Variants in SEC61A1 observed in about 807,000 individuals in gnomAD.
The protein encoded by SEC61A1 is protein transport protein Sec61 subunit alpha isoform 1.
A neutral mutation model predicts 55.2 loss-of-function variants in SEC61A1; 15 were observed. That is an observed-to-expected ratio of 0.27 (90% CI 0.18 to 0.42). SEC61A1 has a LOEUF of 0.42. SEC61A1 is among the 10% of genes least tolerant of loss of function. SEC61A1 has a pLI of 1.00. For synonymous variants in SEC61A1, 247 were observed against 234.0 expected, an observed-to-expected ratio of 1.06 and a Z score of -0.51; for missense variants, 284 against 602.6, an observed-to-expected ratio of 0.47 and a Z score of 5.53.
intron 7 of SEC61A1, among the ~76,000 whole-genome samples, chr3:128,061,640 A>G (rs948104804): frequency 2.0e-5 from 3 of 152,244 alleles, no homozygotes; most frequent in Non-Finnish European, 4.4e-5. Flanking sequence ...ATAGGGAGCC[A>G]TAGAGAAGAG....
At chr3:128,052,929 A>G (rs770400453) in intron 2 of SEC61A1, 27 bp downstream of exon 2, 15 of 1,587,612 alleles carry the variant, frequency 9.4e-6, no homozygotes, top group Non-Finnish European at 1.3e-5. Flanking sequence ...GCCAACAAAG[A>G]AGGTTTCAGG....
At chr3:128,069,313 G>A (rs1942082242) in intron 11 of SEC61A1, among the ~76,000 whole-genome samples, 163 bp from the exon 12 acceptor site, 1 of 152,208 alleles carries the variant, frequency 6.6e-6, no homozygotes, top group African/African-American at 2.4e-5. Context: ...CTGGACAGCA[G>A]CGCCTTGGCC....
intron 7 of SEC61A1, among the ~76,000 whole-genome samples, chr3:128,063,776 G>C (rs993046095): frequency 1.3e-5 from 2 of 152,182 alleles, no homozygotes; most frequent in South Asian, 4.1e-4. Flanking sequence ...TTATGGGATG[G>C]TTATGCTGTC....
In SEC61A1 at chr3:128,060,137, G is replaced by A. The variant is rs1047083971; in HGVS notation, c.388G>A (p.Val130Met). ...GMIITIGQSI[V>M]YVMTGMYGDP... is the part of the protein sequence containing the mutation. ...GATCATTACTATCGGCCAGTCTATCGTGTATGTGATGACCGGGATGTATGG... is the reference window on the plus strand; with the variant it reads ...GATCATTACTATCGGCCAGTCTATCATGTATGTGATGACCGGGATGTATGG... The change falls in exon 6 of 12, where the codon GTG becomes ATG. Residue 130 changes from valine (V) to methionine (M), a missense_variant. Coordinates refer to ENST00000243253, the MANE Select transcript of SEC61A1 (RefSeq NM_013336.4). The A allele has an allele frequency of 1.9e-6, 3 of 1,613,978 alleles. No homozygotes were observed. Among genetic ancestry groups the A allele is most frequent in the South Asian group, 1.1e-5 (1 of 91,062 alleles).
At chr3:128,061,545 T>C (rs777936671) in intron 7 of SEC61A1, among the ~76,000 whole-genome samples, 11 of 152,204 alleles carry the variant, frequency 7.2e-5, no homozygotes, top group Non-Finnish European at 1.6e-4. Flanking sequence ...GACCATATTA[T>C]CTCATTAATG....
chr3:128,065,108 C>A (rs988823014), intron 8 of SEC61A1, 71 bp downstream of exon 8: 1 of 1,478,080 alleles, frequency 6.8e-7, no homozygotes, highest in Non-Finnish European at 9.5e-7. Context: ...TGTGTGCAGT[C>A]CCCCACTCTG....
At chr3:128,052,227 C>A, upstream of SEC61A1, 1 of 366,136 alleles carries the variant, frequency 2.7e-6, no homozygotes, top group South Asian at 4.3e-5. Context: ...CCGCACACCC[C>A]CAGTCCCGGC....
chr3:128,064,810 A>G, intron 7 of SEC61A1, 67 bp from the exon 8 acceptor site: 1 of 1,408,090 alleles, frequency 7.1e-7, no homozygotes, highest in Middle Eastern at 2.2e-4. Flanking sequence ...TTTGTCTGCT[A>G]AGAAGGCTAG....
At chr3:128,052,625 C>T (rs1163269952) in intron 1 of SEC61A1, 66 bp downstream of exon 1, 1 of 1,556,168 alleles carries the variant, frequency 6.4e-7, no homozygotes, top group Non-Finnish European at 8.7e-7. Flanking sequence ...CACACCCGTG[C>T]GGTCGGGCGC....
chr3:128,055,792 T>A (rs1941761426), intron 4 of SEC61A1, 41 bp downstream of exon 4: 1 of 1,478,682 alleles, frequency 6.8e-7, no homozygotes, highest in African/African-American at 1.4e-5. Flanking sequence ...GAGTGTAGGC[T>A]TACCTAGCTT....
intron 7 of SEC61A1, among the ~76,000 whole-genome samples, chr3:128,061,010 T>C (rs1431112756): frequency 6.6e-6 from 1 of 152,226 alleles, no homozygotes; most frequent in Non-Finnish European, 1.5e-5. Context: ...AAACCATGAC[T>C]GTCCTCATAT....
chr3:128,058,506 G>A (rs1941806889), intron 5 of SEC61A1, among the ~76,000 whole-genome samples: 1 of 152,074 alleles, frequency 6.6e-6, no homozygotes, highest in African/African-American at 2.4e-5. Flanking sequence ...GAGCCACAGC[G>A]CCCAGCCAAG....
chr3:128,054,051 A>G (rs1350465914), intron 2 of SEC61A1, among the ~76,000 whole-genome samples: 1 of 152,246 alleles, frequency 6.6e-6, no homozygotes, highest in African/African-American at 2.4e-5. Flanking sequence ...TATTGATAGA[A>G]CATAATTGTA....
At chr3:128,069,006 C>G (rs1031427058) in intron 11 of SEC61A1, 1 of 152,620 alleles carries the variant, frequency 6.6e-6, no homozygotes, top group African/African-American at 2.4e-5. Context: ...AGTTCATTCT[C>G]TTAATATTAA....
At chr3:128,056,685 G>A in intron 4 of SEC61A1, 24 bp from the exon 5 acceptor site, 1 of 1,497,310 alleles carries the variant, frequency 6.7e-7, no homozygotes, top group Non-Finnish European at 9.0e-7. Flanking sequence ...GATATTGACT[G>A]TTTTGCTTCC....
At chr3:128,056,571 A>T in intron 4 of SEC61A1, 138 bp from the exon 5 acceptor site, 1 of 692,998 alleles carries the variant, frequency 1.4e-6, no homozygotes, top group Non-Finnish European at 2.2e-6. Context: ...TGGGGTTCTA[A>T]ATTAAACACA....
At chr3:128,068,512 T>C (rs534464671) in intron 11 of SEC61A1, 1 of 165,398 alleles carries the variant, frequency 6.0e-6, no homozygotes, top group South Asian at 1.6e-4. Flanking sequence ...TGGCAGTGGC[T>C]GGGCACGGAA....
chr3:128,067,278 C>G lies in SEC61A1; in HGVS notation c.975+127C>G. 1 of 1,289,874 alleles carries G rather than the reference C, an allele frequency of 7.8e-7. No individual in the cohort carries two copies. Among genetic ancestry groups the G allele is most frequent in the Non-Finnish European group, 1.1e-6 (1 of 918,876 alleles). 79.9% of individuals were successfully genotyped at this position (1,289,874 alleles called of 1,614,324 possible). ...CATTGTGCCTTTTACAAATTCAGCA[C>G]ATTAAATTATCTTTTCAGTAAAAAA... On this transcript the variant is annotated intron_variant, in intron 9 of 11. Transcript: ENST00000243253. The surrounding 1 kb of genome is among the most constrained non-coding windows in gnomAD (Gnocchi z 4.1).
Position 128,067,370 on chromosome 3 carries a change from C to A in SEC61A1, c.976-51C>A. ...GCTCAGAACTATTTTTGCCTTGATG[C>A]TAAAGTAAAATGAAGGAGCACTCAC... is the stretch of plus-strand genomic sequence containing the variant. On this transcript the variant is annotated intron_variant, in intron 9 of 11. Transcript: ENST00000243253. The surrounding 1 kb of genome is among the most constrained non-coding windows in gnomAD (Gnocchi z 4.1). 1 of 1,561,698 alleles carries A rather than the reference C, an allele frequency of 6.4e-7. No individual in the cohort carries two copies.
Sources: gnomAD v4.1 joint callset for allele counts (sites outside exome capture counted in the v4.1 genomes callset) on GRCh38, gnomAD v4.1.1 for gene constraint, Gnocchi (gnomAD v3.1) non-coding constraint, MANE v1.5 for transcripts, NCBI Gene and HGNC (gene_info 2026-07-23, HGNC 2026-07-21) for gene names.